The following PCDHA3 variants were observed in gnomAD, a reference collection of about 807,000 sequenced individuals.
PCDHA3 encodes the protein protocadherin alpha-3.
PCDHA3 carries 41 observed loss-of-function variants against 62.2 expected under a neutral mutation model. The observed-to-expected ratio is 0.66, with a 90% CI of 0.51 to 0.86. The LOEUF (loss-of-function observed/expected upper bound fraction) is 0.86. PCDHA3 is among the 40% of genes least tolerant of loss of function. The pLI, the probability that PCDHA3 is intolerant of heterozygous loss-of-function variation, is 0.00. For synonymous variants in PCDHA3, 640 were observed against 555.4 expected (o/e 1.15, Z -2.14); for missense variants, 1,304 against 1,241.2 (o/e 1.05, Z -0.76).
At chr5:140,858,255 C>G in intron 1 of PCDHA3, 10 of 1,596,962 alleles carry the variant, frequency 6.3e-6, no homozygotes, top group Middle Eastern at 1.7e-4. Flanking sequence ...GTGAAGCCCA[C>G]GCTGGTGTGC....
intron 1 of PCDHA3, chr5:140,815,761 G>A (rs1765789123): frequency 6.6e-6 from 1 of 152,074 alleles, no homozygotes; most frequent in Non-Finnish European, 1.5e-5. Context: ...TTCTTGTAAG[G>A]CAAGTCTAAT....
chr5:140,982,998 GAAAGAA>G (rs1469608645), intron 3 of PCDHA3, among the ~76,000 whole-genome samples: 10 of 151,726 alleles, frequency 6.6e-5, no homozygotes, highest in Admixed American at 5.2e-4. Context: ...AAGAAGGAAA[GAAAGAA>G]AAAGGAAGGA....
chr5:140,898,579 T>A (rs1471026172), intron 1 of PCDHA3, among the ~76,000 whole-genome samples: 1 of 152,222 alleles, frequency 6.6e-6, no homozygotes, highest in African/African-American at 2.4e-5. Flanking sequence ...GCCATGCTGT[T>A]TTGGTTACTG....
chr5:140,829,713 G>A (rs2150173185), intron 1 of PCDHA3: 2 of 1,613,488 alleles, frequency 1.2e-6, no homozygotes, highest in South Asian at 1.1e-5. Flanking sequence ...CGCGACGCGG[G>A]CGTGCCGCCT....
chr5:140,822,454 T>C (rs1283772552), intron 1 of PCDHA3: 3 of 1,613,664 alleles, frequency 1.9e-6, no homozygotes, highest in East Asian at 4.5e-5. Context: ...TACAGTTCAG[T>C]TGTTGATCAA....
intron 1 of PCDHA3, chr5:140,808,955 G>T (rs1369862214): frequency 1.9e-6 from 3 of 1,613,470 alleles, no homozygotes; most frequent in Admixed American, 1.7e-5. Context: ...TGTGGGCCAC[G>T]TGGTGGCAAA....
intron 1 of PCDHA3, among the ~76,000 whole-genome samples, chr5:140,944,925 A>T (rs1457519692): frequency 6.6e-6 from 1 of 152,158 alleles, no homozygotes; most frequent in African/African-American, 2.4e-5. Flanking sequence ...ATATTGGTTT[A>T]TGCCTTCTTT....
intron 1 of PCDHA3, among the ~76,000 whole-genome samples, chr5:140,886,712 G>A (rs950364984): frequency 1.3e-5 from 2 of 151,798 alleles, no homozygotes; most frequent in Middle Eastern, 3.4e-3. Flanking sequence ...TGTAATCCCA[G>A]CTACTTGGGA....
chr5:140,811,491 T>A (rs940302653), intron 1 of PCDHA3: 17 of 152,198 alleles, frequency 1.1e-4, no homozygotes, highest in African/African-American at 4.1e-4. Flanking sequence ...GTCTTTATAG[T>A]AGCATGATTT....
At position 140,927,789 on chromosome 5, in the gene PCDHA3, A is replaced by G. The variant is rs781883935; in HGVS notation, c.2395-51160A>G. On this transcript the variant is annotated intron_variant, in intron 1 of 3. Transcript: ENST00000522353. The stretch of plus-strand genomic sequence containing the variant: ...GGGAGGTGCAAGTAGCTGCTTCACT[A>G]GGTCCGCCTGAAACGCTCTTGGAGG... 4 of 1,614,164 alleles carry G rather than the reference A, an allele frequency of 2.5e-6. No individual in the cohort carries two copies. The African/African-American group carries it at 4.0e-5, about 16-fold the overall frequency.
At chr5:140,846,453 C>G (rs1465090766) in intron 1 of PCDHA3, among the ~76,000 whole-genome samples, 2 of 138,248 alleles carry the variant, frequency 1.4e-5, no homozygotes, top group Non-Finnish European at 3.1e-5. Flanking sequence ...CGGCTCACTG[C>G]AACCTCTGCC....
At chr5:141,003,143 ACT>A (rs1162243146) in intron 3 of PCDHA3, among the ~76,000 whole-genome samples, 1 of 152,180 alleles carries the variant, frequency 6.6e-6, no homozygotes, top group East Asian at 1.9e-4. Context: ...CTTGGCAAAG[ACT>A]CTGACCTGAT....
At chr5:140,929,317 A>G in intron 1 of PCDHA3, 1 of 1,549,080 alleles carries the variant, frequency 6.5e-7, no homozygotes, top group South Asian at 1.2e-5. Flanking sequence ...CGCTAATGTC[A>G]ATGCCATGGT....
At chr5:140,857,011 T>G in intron 1 of PCDHA3, 1 of 1,596,152 alleles carries the variant, frequency 6.3e-7, no homozygotes, top group Non-Finnish European at 8.6e-7. Flanking sequence ...ATGTAGATGT[T>G]ACAGATAAGG....
intron 1 of PCDHA3, chr5:140,969,054 A>G (rs782226153): frequency 6.2e-7 from 1 of 1,614,182 alleles, no homozygotes; most frequent in South Asian, 1.1e-5. Context: ...GCCAACAACA[A>G]TATTGATGCC....
chr5:140,863,319 C>A, intron 1 of PCDHA3: 1 of 1,445,714 alleles, frequency 6.9e-7, no homozygotes, highest in Non-Finnish European at 9.4e-7. Context: ...TGGTGTCCAG[C>A]CTGTTAGTGC....
intron 1 of PCDHA3, chr5:140,968,408 A>G: frequency 6.2e-7 from 1 of 1,613,980 alleles, no homozygotes; most frequent in Non-Finnish European, 8.5e-7. Flanking sequence ...GTTCTTTGTG[A>G]CTGTGGAGGC....
chr5:140,989,665 T>C (rs2097353443), intron 3 of PCDHA3, among the ~76,000 whole-genome samples: 1 of 152,190 alleles, frequency 6.6e-6, no homozygotes, highest in Non-Finnish European at 1.5e-5. Context: ...TAAAAGAAAC[T>C]CTGCCCAGAT....
chr5:140,973,850 T>G (rs767532771), intron 1 of PCDHA3, among the ~76,000 whole-genome samples: 25 of 152,176 alleles, frequency 1.6e-4, no homozygotes, highest in Admixed American at 5.2e-4. Flanking sequence ...TGCCTACCAA[T>G]TTTTGCTCTC....
Sources: allele counts gnomAD v4.1 joint callset (sites outside exome capture counted in the v4.1 genomes callset), GRCh38; gene constraint gnomAD v4.1.1; transcripts MANE v1.5; gene names NCBI Gene and HGNC (gene_info 2026-07-23, HGNC 2026-07-21).